Variants in BRD10 observed in about 807,000 individuals in gnomAD.
The protein encoded by BRD10 is bromodomain containing 10, also known as uncharacterized bromodomain-containing protein 10.
chr9:5,969,400 AGCTTCTTCT>A, the BRD10 span: 1 of 1,588,698 alleles, frequency 6.3e-7, no homozygotes, highest in Non-Finnish European at 8.6e-7. Flanking sequence ...CCTTTTGACT[AGCTTCTTCT>A]GCTTCTTTTC....
At chr9:5,968,234 T>A in the BRD10 span, 1 of 1,612,688 alleles carries the variant, frequency 6.2e-7, no homozygotes, top group Non-Finnish European at 8.5e-7. Context: ...TAGTGACTGC[T>A]CTAATAGAAT....
the BRD10 span, among the ~76,000 whole-genome samples, chr9:5,883,637 A>AT: frequency 1.3e-5 from 2 of 150,724 alleles, no homozygotes; most frequent in East Asian, 1.9e-4. Flanking sequence ...GGCTAATTTT[A>AT]TTTTTTTGTA....
At chr9:5,914,138 G>C in the BRD10 span, 1 of 419,382 alleles carries the variant, frequency 2.4e-6, no homozygotes, top group Non-Finnish European at 4.7e-6. Flanking sequence ...TTCCCAAGTG[G>C]TTCCTGCTGT....
the BRD10 span, among the ~76,000 whole-genome samples, chr9:5,965,621 T>C: frequency 6.6e-6 from 1 of 152,228 alleles, no homozygotes; most frequent in East Asian, 1.9e-4. Context: ...ACTTAAACAT[T>C]ATATACACCA....
At chr9:6,007,553 G>A in the BRD10 span, 13 of 1,612,878 alleles carry the variant, frequency 8.1e-6, no homozygotes, top group Non-Finnish European at 1.1e-5. Flanking sequence ...CCCTGCTGTA[G>A]CTCGTAGGTC....
the BRD10 span, among the ~76,000 whole-genome samples, chr9:5,989,689 C>G: frequency 2.0e-5 from 3 of 151,862 alleles, no homozygotes; most frequent in African/African-American, 7.3e-5. Flanking sequence ...GCCACCACGC[C>G]TGGCTAACTT....
the BRD10 span, among the ~76,000 whole-genome samples, chr9:5,986,341 T>C: frequency 6.6e-6 from 1 of 152,262 alleles, no homozygotes; most frequent in Non-Finnish European, 1.5e-5. Context: ...CCATGGTCTG[T>C]ATGTACCACA....
chr9:5,938,810 G>C, the BRD10 span, among the ~76,000 whole-genome samples: 1 of 152,002 alleles, frequency 6.6e-6, no homozygotes, highest in Non-Finnish European at 1.5e-5. Flanking sequence ...AGAAGATCTA[G>C]AATAAAAAAT....
chr9:5,936,960 T>C, the BRD10 span, among the ~76,000 whole-genome samples: 1 of 152,168 alleles, frequency 6.6e-6, no homozygotes, highest in Non-Finnish European at 1.5e-5. Flanking sequence ...CCAGGTGCGG[T>C]GGCAATCATG....
At chr9:5,896,597 C>T in the BRD10 span, among the ~76,000 whole-genome samples, 5 of 152,212 alleles carry the variant, frequency 3.3e-5, no homozygotes, top group Non-Finnish European at 5.9e-5. Context: ...CTCAGCTCTG[C>T]AGAAACTTTC....
chr9:5,943,128 C>G, the BRD10 span, among the ~76,000 whole-genome samples: 1 of 152,156 alleles, frequency 6.6e-6, no homozygotes, highest in Non-Finnish European at 1.5e-5. Flanking sequence ...CCTCCCACCT[C>G]AGCCTCCCAA....
chr9:5,902,567 C>G, the BRD10 span, among the ~76,000 whole-genome samples: 1 of 151,854 alleles, frequency 6.6e-6, no homozygotes, highest in African/African-American at 2.4e-5. Context: ...TGGGCTCAAG[C>G]ACTCCAATCC....
At chr9:5,897,412 G>A in the BRD10 span, 7 of 703,652 alleles carry the variant, frequency 9.9e-6, no homozygotes, top group South Asian at 1.2e-4. Flanking sequence ...GGTGCCCAGT[G>A]TGGGAGGTGG....
chr9:5,997,312 T>C, the BRD10 span, among the ~76,000 whole-genome samples: 1 of 152,342 alleles, frequency 6.6e-6, no homozygotes, highest in East Asian at 1.9e-4. Context: ...CACAAACTAG[T>C]GATTTTTATT....
the BRD10 span, among the ~76,000 whole-genome samples, chr9:5,990,876 C>T: frequency 6.6e-6 from 1 of 152,130 alleles, no homozygotes; most frequent in African/African-American, 2.4e-5. Context: ...CCATGCTTCT[C>T]GGAATTTATC....
At chr9:5,890,112 G>A in the BRD10 span, among the ~76,000 whole-genome samples, 1 of 152,156 alleles carries the variant, frequency 6.6e-6, no homozygotes, top group Non-Finnish European at 1.5e-5. Flanking sequence ...ATGGAGATGA[G>A]GGAGGGAATA....
chr9:5,921,606 C>T, the BRD10 span: 1 of 1,613,992 alleles, frequency 6.2e-7, no homozygotes. Context: ...CCACTGATTA[C>T]ATCTCCATTT....
chr9:5,950,332 TA>T, the BRD10 span, among the ~76,000 whole-genome samples: 1 of 152,184 alleles, frequency 6.6e-6, no homozygotes, highest in East Asian at 1.9e-4. Flanking sequence ...TTGAAAACAA[TA>T]AAAATGGCTA....
At chr9:5,999,467 T>C in the BRD10 span, among the ~76,000 whole-genome samples, 5 of 152,096 alleles carry the variant, frequency 3.3e-5, no homozygotes, top group Admixed American at 2.0e-4. Flanking sequence ...AATTAAAGGA[T>C]GGGAAAAGAT....
Sources: gnomAD v4.1 joint callset for allele counts (sites outside exome capture counted in the v4.1 genomes callset) on GRCh38, gnomAD v4.1.1 for gene constraint, MANE v1.5 for transcripts, NCBI Gene and HGNC (gene_info 2026-07-23, HGNC 2026-07-21) for gene names.